Variants in TRIQK observed in about 807,000 individuals in gnomAD.
TRIQK encodes the protein triple QxxK/R motif containing.
TRIQK carries 10 observed loss-of-function variants against 10.8 expected under a neutral mutation model. That is an observed-to-expected ratio of 0.92 (90% CI 0.57 to 1.57). The LOEUF (loss-of-function observed/expected upper bound fraction) is 1.57. Ranked by LOEUF, TRIQK falls within the 40% of genes most tolerant of loss-of-function variation. The pLI is 0.00. For synonymous variants in TRIQK, 33 were observed against 33.7 expected (o/e 0.98, Z 0.07); for missense variants, 107 against 97.7 (o/e 1.09, Z -0.40).
At chr8:93,015,001 A>G (rs907505085) in intron 1 of TRIQK, among the ~76,000 whole-genome samples, 2 of 152,066 alleles carry the variant, frequency 1.3e-5, no homozygotes, top group South Asian at 2.1e-4. Context: ...CATTTCCTCA[A>G]GAAGAGTGAG....
intron 3 of TRIQK, among the ~76,000 whole-genome samples, chr8:92,916,486 T>C (rs1404004872): frequency 6.6e-6 from 1 of 152,130 alleles, no homozygotes; most frequent in Non-Finnish European, 1.5e-5. Context: ...TTTTCTGAAC[T>C]CAGGTTTCCA....
At chr8:92,959,111 A>G (rs986685516) in intron 1 of TRIQK, among the ~76,000 whole-genome samples, 1 of 152,102 alleles carries the variant, frequency 6.6e-6, no homozygotes, top group Admixed American at 6.6e-5. Flanking sequence ...TGAATTTTAC[A>G]TAATTTCCCC....
At chr8:92,889,218 T>C (rs1162575768) in intron 4 of TRIQK, among the ~76,000 whole-genome samples, 1 of 151,700 alleles carries the variant, frequency 6.6e-6, no homozygotes, top group Non-Finnish European at 1.5e-5. Flanking sequence ...TAGAAGCCTC[T>C]GAGGGTTAAG....
intron 1 of TRIQK, among the ~76,000 whole-genome samples, chr8:93,010,522 T>A (rs2130762971): frequency 6.6e-6 from 1 of 152,256 alleles, no homozygotes; most frequent in African/African-American, 2.4e-5. Context: ...GTACAAATTA[T>A]AATTTATATG....
At chr8:92,915,987 T>A (rs1809818218) in intron 3 of TRIQK, among the ~76,000 whole-genome samples, 1 of 152,134 alleles carries the variant, frequency 6.6e-6, no homozygotes, top group African/African-American at 2.4e-5. Flanking sequence ...CTAATGTAAC[T>A]TCTTTGTTTA....
intron 2 of TRIQK, among the ~76,000 whole-genome samples, chr8:92,950,585 T>C (rs1811843319): frequency 6.6e-6 from 1 of 152,132 alleles, no homozygotes; most frequent in African/African-American, 2.4e-5. Flanking sequence ...CTTTTATATA[T>C]CCACTACATG....
chr8:92,923,374 T>C (rs1810284110), intron 2 of TRIQK, among the ~76,000 whole-genome samples: 2 of 151,782 alleles, frequency 1.3e-5, no homozygotes, highest in South Asian at 4.1e-4. Context: ...AACAGACTTA[T>C]ATTAGCATGT....
intron 3 of TRIQK, among the ~76,000 whole-genome samples, chr8:92,914,224 C>A (rs1013993601): frequency 6.6e-6 from 1 of 151,904 alleles, no homozygotes; most frequent in Admixed American, 6.6e-5. Context: ...CTTATATTTG[C>A]CTTTTAGGTA....
chr8:92,956,347 TAG>T (rs1812169368), intron 1 of TRIQK, among the ~76,000 whole-genome samples: 1 of 151,378 alleles, frequency 6.6e-6, no homozygotes, highest in Non-Finnish European at 1.5e-5. Context: ...GGAAGGTCAA[TAG>T]AGAAAGAAAA....
intron 1 of TRIQK, among the ~76,000 whole-genome samples, chr8:92,996,632 G>A (rs1443932182): frequency 6.6e-6 from 1 of 151,802 alleles, no homozygotes; most frequent in Non-Finnish European, 1.5e-5. Flanking sequence ...CTCAATACTG[G>A]TTATCTATTA....
intron 3 of TRIQK, among the ~76,000 whole-genome samples, chr8:92,893,182 A>G (rs2130277811): frequency 6.6e-6 from 1 of 152,144 alleles, no homozygotes; most frequent in Non-Finnish European, 1.5e-5. Context: ...AGTATATCAT[A>G]AAAATTTAAT....
chr8:93,002,395 A>G (rs549411610), intron 1 of TRIQK, among the ~76,000 whole-genome samples: 2 of 152,280 alleles, frequency 1.3e-5, no homozygotes, highest in South Asian at 4.1e-4. Flanking sequence ...AGAAGACTCA[A>G]ATAAAATCAG....
At chr8:92,948,864 C>A (rs556542141) in intron 2 of TRIQK, among the ~76,000 whole-genome samples, 105 of 152,334 alleles carry the variant, frequency 6.9e-4, no homozygotes, top group African/African-American at 2.4e-3. Flanking sequence ...AATGCTGCCT[C>A]CTTATATATT....
intron 3 of TRIQK, among the ~76,000 whole-genome samples, chr8:92,908,889 A>G (rs1054320772): frequency 2.0e-5 from 3 of 152,012 alleles, no homozygotes; most frequent in Admixed American, 6.6e-5. Flanking sequence ...ATTTCCTTCA[A>G]CATTTTTAGA....
At chr8:92,959,163 A>T (rs1324527042) in intron 1 of TRIQK, among the ~76,000 whole-genome samples, 1 of 151,954 alleles carries the variant, frequency 6.6e-6, no homozygotes, top group African/African-American at 2.4e-5. Context: ...CCGTTTAAAT[A>T]TGTACAAACC....
At chr8:93,001,230 C>T (rs1165825787) in intron 1 of TRIQK, among the ~76,000 whole-genome samples, 1 of 151,318 alleles carries the variant, frequency 6.6e-6, no homozygotes, top group Admixed American at 6.6e-5. Flanking sequence ...TGGTGTGAAC[C>T]CAGGAGGTAG....
chr8:93,014,536 T>C (rs1254228500), intron 1 of TRIQK, among the ~76,000 whole-genome samples: 1 of 152,088 alleles, frequency 6.6e-6, no homozygotes, highest in African/African-American at 2.4e-5. Flanking sequence ...CTGGTTTTGG[T>C]TTTTTGGTTT....
intron 1 of TRIQK, among the ~76,000 whole-genome samples, chr8:92,983,346 AC>A (rs1376597793): frequency 2.6e-5 from 4 of 152,058 alleles, no homozygotes; most frequent in Admixed American, 6.6e-5. Context: ...CTATAAAAAA[AC>A]AACAGTCAAA....
At chr8:92,924,726 TATTA>T (rs1211580164) in intron 2 of TRIQK, among the ~76,000 whole-genome samples, 9 of 151,962 alleles carry the variant, frequency 5.9e-5, no homozygotes, top group South Asian at 2.1e-4. Flanking sequence ...TTATAAGTAA[TATTA>T]ATTATTTCAA....
Sources: allele counts gnomAD v4.1 joint callset (sites outside exome capture counted in the v4.1 genomes callset), GRCh38; gene constraint gnomAD v4.1.1; transcripts MANE v1.5; gene names NCBI Gene and HGNC (gene_info 2026-07-23, HGNC 2026-07-21).